YES1: variants seen among roughly 807,000 people sequenced by gnomAD.
YES1 encodes the protein YES proto-oncogene 1, Src family tyrosine kinase.
Under a neutral mutation model 70.4 loss-of-function variants are expected in YES1, and 39 were observed. The observed-to-expected ratio is 0.55, with a 90% CI of 0.43 to 0.72. The LOEUF (loss-of-function observed/expected upper bound fraction) is 0.72, where lower values mean the gene tolerates loss of function less well. YES1 is among the 30% of genes least tolerant of loss of function. YES1 has a pLI of 0.00. For synonymous variants in YES1, 198 were observed against 218.6 expected, an observed-to-expected ratio of 0.91 and a Z score of 0.83; for missense variants, 495 against 644.8, an observed-to-expected ratio of 0.77 and a Z score of 2.52.
intron 1 of YES1, among the ~76,000 whole-genome samples, chr18:791,121 G>A (rs901888895): frequency 2.9e-4 from 44 of 151,508 alleles, no homozygotes; most frequent in African/African-American, 9.2e-4. Flanking sequence ...GTGGTGGTGC[G>A]CGTTTGTAAT....
intron 1 of YES1, among the ~76,000 whole-genome samples, chr18:806,544 A>G (rs1907107602): frequency 6.6e-6 from 1 of 152,236 alleles, no homozygotes; most frequent in East Asian, 1.9e-4. Flanking sequence ...AAATCTGCCC[A>G]GAACCACATC....
chr18:788,731 C>G (rs1239487760), intron 1 of YES1, among the ~76,000 whole-genome samples: 1 of 151,988 alleles, frequency 6.6e-6, no homozygotes, highest in Non-Finnish European at 1.5e-5. Context: ...ACCGGCCTGG[C>G]CAATTTGGTG....
At chr18:771,903 G>A (rs1023470725) in intron 1 of YES1, among the ~76,000 whole-genome samples, 3 of 152,050 alleles carry the variant, frequency 2.0e-5, no homozygotes, top group Admixed American at 6.6e-5. Flanking sequence ...TCAGCTTAAC[G>A]TTGGGCTCTT....
intron 11 of YES1, among the ~76,000 whole-genome samples, chr18:731,909 G>A (rs1380452027): frequency 2.1e-5 from 3 of 145,204 alleles, no homozygotes; most frequent in Non-Finnish European, 4.5e-5. Context: ...GGAGGCTGCA[G>A]TGAGCTGAGA....
At chr18:749,875 A>T (rs1362826295) in intron 3 of YES1, among the ~76,000 whole-genome samples, 1 of 148,618 alleles carries the variant, frequency 6.7e-6, no homozygotes, top group Non-Finnish European at 1.5e-5. Flanking sequence ...AAAAAAAAAA[A>T]GTTATCTAGA....
intron 1 of YES1, among the ~76,000 whole-genome samples, chr18:800,258 C>A (rs962872014): frequency 6.6e-6 from 1 of 152,222 alleles, no homozygotes; most frequent in Non-Finnish European, 1.5e-5. Flanking sequence ...CTGACTGCTG[C>A]ATGTTCCTAC....
rs375554246 is a variant in YES1, at chr18:806,947, A to AT, written c.-9+5166dup. On this transcript the variant is annotated intron_variant, in intron 1 of 11. Coordinates refer to ENST00000314574, the MANE Select transcript of YES1 (RefSeq NM_005433.4). ...AGATAAGTCAAAGGAATATCTCCAG[A>AT]TTTTCAGTAGATAGTAGTGGTAAAA... is the stretch of plus-strand genomic sequence containing the variant. Among the ~76,000 whole-genome samples, 709 of 152,274 alleles carry AT rather than the reference A, an allele frequency of 4.7e-3. 7 individuals are homozygous for AT. Among genetic ancestry groups the AT allele is most frequent in the African/African-American group, 0.016 (670 of 41,554 alleles).
intron 9 of YES1, chr18:738,237 C>T (rs1229546875): frequency 6.6e-6 from 1 of 151,978 alleles, no homozygotes; most frequent in African/African-American, 2.4e-5. Context: ...AGCATGTCAA[C>T]CAAAGCCAAT....
chr18:771,137 G>A (rs538418099), intron 1 of YES1, among the ~76,000 whole-genome samples: 53 of 152,098 alleles, frequency 3.5e-4, no homozygotes, highest in African/African-American at 1.3e-3. Flanking sequence ...GGCCCAGGCA[G>A]GCAGATCACT....
chr18:755,946 G>A (rs2080400905), intron 2 of YES1, among the ~76,000 whole-genome samples: 1 of 152,094 alleles, frequency 6.6e-6, no homozygotes. Flanking sequence ...CTCCACGAAA[G>A]GTTGTCAACA....
intron 11 of YES1, among the ~76,000 whole-genome samples, 194 bp from the exon 12 acceptor site, chr18:724,826 T>C (rs1186716462): frequency 6.6e-6 from 1 of 152,236 alleles, no homozygotes; most frequent in Non-Finnish European, 1.5e-5. Flanking sequence ...TGTTTTAACA[T>C]GTCTAATTTT....
chr18:734,363 G>T (rs1021321943), intron 10 of YES1, among the ~76,000 whole-genome samples: 5 of 151,222 alleles, frequency 3.3e-5, no homozygotes, highest in African/African-American at 4.9e-5. Context: ...GACCATCCTG[G>T]CTAATACGGT....
chr18:728,009 A>G (rs77576435), intron 11 of YES1, among the ~76,000 whole-genome samples: 1,758 of 152,296 alleles, frequency 0.012, 13 homozygotes, highest in Non-Finnish European at 0.02. Context: ...ATAATGAGAT[A>G]TCTTAAGGGA....
At chr18:806,223 C>A (rs1000060924) in intron 1 of YES1, among the ~76,000 whole-genome samples, 1 of 152,138 alleles carries the variant, frequency 6.6e-6, no homozygotes, top group Non-Finnish European at 1.5e-5. Context: ...TTCAGCATAA[C>A]TTGGACTTTC....
chr18:778,215 T>C (rs1905482131), intron 1 of YES1, among the ~76,000 whole-genome samples: 1 of 152,228 alleles, frequency 6.6e-6, no homozygotes, highest in African/African-American at 2.4e-5. Flanking sequence ...GAACCAGGTC[T>C]TCTGACTTCT....
At chr18:733,038 C>T in intron 10 of YES1, 73 bp from the exon 11 acceptor site, 1 of 1,469,554 alleles carries the variant, frequency 6.8e-7, no homozygotes, top group Non-Finnish European at 9.5e-7. Flanking sequence ...ATATGCAGGG[C>T]TAATGTTCTG....
intron 1 of YES1, among the ~76,000 whole-genome samples, 163 bp from the exon 2 acceptor site, chr18:756,998 T>C (rs951616705): frequency 3.3e-5 from 5 of 152,126 alleles, no homozygotes; most frequent in African/African-American, 1.2e-4. Flanking sequence ...CTTCCCCTCA[T>C]TTATCTTTAT....
intron 10 of YES1, among the ~76,000 whole-genome samples, chr18:734,355 C>A (rs1204229291): frequency 6.6e-6 from 1 of 151,616 alleles, no homozygotes; most frequent in African/African-American, 2.4e-5. Context: ...GAGATTGAGA[C>A]CATCCTGGCT....
At chr18:805,603 C>T (rs1907057896) in intron 1 of YES1, among the ~76,000 whole-genome samples, 1 of 152,210 alleles carries the variant, frequency 6.6e-6, no homozygotes, top group South Asian at 2.1e-4. Context: ...CAGCTCTTCA[C>T]TGTCAGAAAT....
Sources: allele counts gnomAD v4.1 joint callset (sites outside exome capture counted in the v4.1 genomes callset), GRCh38; gene constraint gnomAD v4.1.1; transcripts MANE v1.5; gene names NCBI Gene and HGNC (gene_info 2026-07-23, HGNC 2026-07-21).